Variants in CUL9 observed in about 807,000 individuals in gnomAD.
CUL9 encodes cullin-9.
In CUL9, 79 loss-of-function variants were observed where a neutral mutation model predicts 272.6. The observed-to-expected ratio is 0.29, with a 90% CI of 0.24 to 0.35. The LOEUF is 0.35. Among genes scored for constraint, CUL9 ranks in the 10% least tolerant of loss-of-function variants. The probability of loss-of-function intolerance (pLI) is 1.00; values close to 1 mark genes in which losing one functional copy is unlikely to be tolerated. For missense variants in CUL9, 2,532 were observed against 3,255.6 expected (o/e 0.78, Z 5.41); for synonymous variants, 1,186 against 1,286.5 (o/e 0.92, Z 1.67).
Position 43,221,676 on chromosome 6 carries a change from C to T in CUL9, c.6753-9C>T, listed in dbSNP as rs2150653734. 1 of 1,613,228 alleles carries T rather than the reference C, an allele frequency of 6.2e-7. No homozygotes were observed. The highest frequency in any genetic ancestry group is 8.5e-7 in the Non-Finnish European group (1 of 1,179,672). Reference sequence around the variant, plus strand: ...GCAGGAGTCCCTGACCAGCCAGCTTCCTCCATAGCATGACCTGTGCCAAAT... The same window carrying T: ...GCAGGAGTCCCTGACCAGCCAGCTTTCTCCATAGCATGACCTGTGCCAAAT... On this transcript the variant is annotated splice_polypyrimidine_tract_variant and intron_variant, in intron 34 of 40. Coordinates refer to ENST00000252050, the MANE Select transcript of CUL9 (RefSeq NM_015089.4). This position sits in a 1 kb window ranked among gnomAD's most constrained non-coding sequence, Gnocchi z 4.2.
Position 43,186,335 on chromosome 6 carries a change from A to G in CUL9, c.1131A>G (p.Glu377=). ...SEFSSRSGYG[E]YVQQTLQPGM... ...TCTCCAGCCGTAGTGGCTATGGAGA[A>G]TATGTGCAGCAGACACTGCAGCCAG... The change falls in exon 4 of 41, where the codon GAA becomes GAG. Residue 377 remains glutamate, a synonymous_variant. Coordinates refer to ENST00000252050, the MANE Select transcript of CUL9 (RefSeq NM_015089.4). The G allele has an allele frequency of 6.2e-7, 1 of 1,614,228 alleles. No homozygotes were observed. The highest frequency in any genetic ancestry group is 8.5e-7 in the Non-Finnish European group (1 of 1,180,036).
chr6:43,216,612 G>T, intron 31 of CUL9, 109 bp downstream of exon 31: 1 of 1,016,936 alleles, frequency 9.8e-7, no homozygotes, highest in Non-Finnish European at 1.4e-6. Context: ...CATCACCTGG[G>T]CAATAGTGGA....
Position 43,184,552 on chromosome 6 carries a change from G to C in CUL9, c.242G>C (p.Gly81Ala). Reference sequence around the variant, plus strand: ...TACGCCAACTGCCCTGGGCTGTTAGGTGAGCGGGCACTATCTAAGGGACTT... The same window carrying C: ...TACGCCAACTGCCCTGGGCTGTTAGCTGAGCGGGCACTATCTAAGGGACTT... ...EVYANCPGLL[G>A]ERALSKGLQH... Residue 81 changes from glycine to alanine, a missense_variant, in exon 2 of 41, where the codon GGT becomes GCT. Transcript: ENST00000252050. This position sits in a 1 kb window ranked among gnomAD's most constrained non-coding sequence, Gnocchi z 4.8. 1.2e-6 allele frequency: 2 copies of C among 1,613,100 alleles called. No individual in the cohort carries two copies. Among genetic ancestry groups the C allele is most frequent in the Non-Finnish European group, 1.7e-6 (2 of 1,179,198 alleles).
rs755351701 is a variant in CUL9 at position 43,204,441 on chromosome 6, G to A, written c.4241G>A (p.Arg1414Gln). ...QRETSRNPLS[R>Q]AASFASRVRR... ...GAGACCTCTCGGAACCCCTTGAGTC[G>A]AGCAGCGTCCTTTGCTTCTCGAGTT... The change falls in exon 21 of 41, where the codon CGA becomes CAA. Residue 1414 changes from arginine (R) to glutamine (Q), a missense_variant. Coordinates refer to ENST00000252050, the MANE Select transcript of CUL9 (RefSeq NM_015089.4). The A allele has an allele frequency of 8.7e-6, 14 of 1,614,106 alleles. No homozygotes were observed. In the Admixed American group the frequency reaches 1.5e-4, roughly 17 times the overall value.
Position 43,223,438 on chromosome 6 carries a change from G to A in CUL9, c.7284+41G>A, listed in dbSNP as rs781672811. The A allele has an allele frequency of 3.7e-5, 58 of 1,548,348 alleles. No homozygotes were observed. The South Asian group carries it at 4.2e-4, about 11-fold the overall frequency. On this transcript the variant is annotated intron_variant, in intron 39 of 40. Transcript: ENST00000252050. The surrounding 1 kb of genome is among the most constrained non-coding windows in gnomAD (Gnocchi z 4.1). Reference sequence around the variant, plus strand: ...GACCCCTTCTGCTCCTGCATTCTGCGGGAGTTGAGGTCCTCCTGTCCCAGC... The same window carrying A: ...GACCCCTTCTGCTCCTGCATTCTGCAGGAGTTGAGGTCCTCCTGTCCCAGC...
In CUL9 at chr6:43,221,246, A is replaced by G. The variant is rs746388349; in HGVS notation, c.6677A>G (p.Lys2226Arg). ...YDGMSVEAQSKHLAKLISKRC... is the reference protein window; with the variant it reads ...YDGMSVEAQSRHLAKLISKRC... ...GGCATGAGCGTGGAGGCGCAGAGCA[A>G]GCACCTGGCCAAGCTCATCTCCAAG... The change falls in exon 34 of 41, where the codon AAG becomes AGG. Residue 2226 changes from lysine to arginine, a missense_variant. Lys to Arg is a conservative substitution (Grantham distance 26). Transcript: ENST00000252050. The surrounding 1 kb of genome is among the most constrained non-coding windows in gnomAD (Gnocchi z 4.2). The G allele has an allele frequency of 1.2e-6, 2 of 1,611,776 alleles. No individual in the cohort carries two copies. Among genetic ancestry groups the G allele is most frequent in the East Asian group, 2.2e-5 (1 of 44,862 alleles).
rs755986098 is a variant in CUL9, at chr6:43,199,156, G to A, written c.3051-110G>A. The A allele has an allele frequency of 1.2e-5, 11 of 931,112 alleles. No homozygotes were observed. Among genetic ancestry groups the A allele is most frequent in the Admixed American group, 1.9e-5 (1 of 52,730 alleles). The allele number at this position is 931,112 out of a possible 1,614,324, so 57.7% of individuals were successfully genotyped here. ...TCTCCATTTTGGTCAGGCTGGTCTC[G>A]AACTCCCGACCTCAGGTGATCCGCC... is the stretch of plus-strand genomic sequence containing the variant. On this transcript the variant is annotated intron_variant, in intron 12 of 40. Transcript: ENST00000252050. The surrounding 1 kb of genome is among the most constrained non-coding windows in gnomAD (Gnocchi z 4.4).
intron 26 of CUL9, among the ~76,000 whole-genome samples, chr6:43,210,888 C>G (rs1244111408): frequency 6.6e-6 from 1 of 151,832 alleles, no homozygotes; most frequent in Non-Finnish European, 1.5e-5. Flanking sequence ...GGTTTTTGTG[C>G]TATCTTTTTC....
Position 43,206,323 on chromosome 6 carries a change from G to A in CUL9, c.5025G>A (p.Glu1675=). Residue 1675 remains glutamate, a splice_region_variant and synonymous_variant, in exon 26 of 41, where the codon GAG becomes GAA. Coordinates refer to ENST00000252050, the MANE Select transcript of CUL9 (RefSeq NM_015089.4). This position sits in a 1 kb window ranked among gnomAD's most constrained non-coding sequence, Gnocchi z 4.8. ...CTTGAAATCCTTCTGTCCCTCAGGA[G>A]GAAGAGGAGGAAGAGGAAGCTGAGA... ...EEEKRLEEEE[E]EEEEEEAEKE... The A allele has an allele frequency of 1.2e-6, 2 of 1,601,580 alleles. No homozygotes were observed. The highest frequency in any genetic ancestry group is 8.6e-7 in the Non-Finnish European group (1 of 1,169,182).
Position 43,187,331 on chromosome 6 carries a change from G to A in CUL9, c.1473G>A (p.Val491=), listed in dbSNP as rs1238686289. 7 of 1,614,074 alleles carry A rather than the reference G, an allele frequency of 4.3e-6. No homozygotes were observed. Among genetic ancestry groups the A allele is most frequent in the Non-Finnish European group, 5.9e-6 (7 of 1,180,014 alleles). ...CCGAACCTCAGAAGAATGAGAGAGT[G>A]GGATATCTGACCCAGGCTGAATGGT... ...LQPEPQKNER[V]GYLTQAEWWE... Residue 491 remains valine, a synonymous_variant, in exon 6 of 41, where the codon GTG becomes GTA. Transcript: ENST00000252050.
chr6:43,189,259 G>A (rs1248694460), intron 8 of CUL9, among the ~76,000 whole-genome samples: 4 of 151,518 alleles, frequency 2.6e-5, no homozygotes, highest in South Asian at 2.1e-4. Flanking sequence ...GCGCGATCTC[G>A]GCTCACTGCA....
intron 17 of CUL9, 47 bp downstream of exon 17, chr6:43,202,868 T>C: frequency 6.4e-7 from 1 of 1,558,714 alleles, no homozygotes; most frequent in Non-Finnish European, 8.8e-7. Context: ...ATCCTTCTTT[T>C]TGTCCCAGTG....
intron 24 of CUL9, 108 bp downstream of exon 24, chr6:43,205,531 T>G: frequency 7.6e-7 from 1 of 1,315,978 alleles, no homozygotes; most frequent in South Asian, 1.4e-5. Context: ...GAGGAGAGAT[T>G]AAGATGTGGA....
chr6:43,200,138 C>T lies in CUL9; in HGVS notation c.3366C>T (p.Ile1122=), dbSNP rs1774388325. Residue 1122 remains isoleucine (I), a synonymous_variant, in exon 14 of 41, where the codon ATC becomes ATT. Transcript: ENST00000252050. The surrounding 1 kb of genome is among the most constrained non-coding windows in gnomAD (Gnocchi z 4.0). ...TCTATAGCAACCTCACCTCCAGCATCCTGGCCGGCTGCATTCAGGTGAGGA... is the reference window on the plus strand; with the variant it reads ...TCTATAGCAACCTCACCTCCAGCATTCTGGCCGGCTGCATTCAGGTGAGGA... ...AQLYSNLTSS[I]LAGCIQMVLG... is the part of the protein sequence containing the mutation. The T allele has an allele frequency of 6.2e-7, 1 of 1,614,004 alleles. No individual in the cohort carries two copies. The highest frequency in any genetic ancestry group is 8.5e-7 in the Non-Finnish European group (1 of 1,179,994).
At position 43,205,304 on chromosome 6, in the gene CUL9, G is replaced by A. The variant is rs749986011; in HGVS notation, c.4674G>A (p.Gln1558=). 40 of 1,614,096 alleles carry A rather than the reference G, an allele frequency of 2.5e-5. No individual in the cohort carries two copies. The South Asian group carries it at 4.1e-4, about 16-fold the overall frequency. Residue 1558 remains glutamine, a synonymous_variant, in exon 24 of 41, where the codon CAG becomes CAA. Transcript: ENST00000252050. ...CCAGGTACATTGACCAACAGATCCA[G>A]GGTGGCCTGATTGGTGGAGCCCCTG... is the stretch of plus-strand genomic sequence containing the variant. The part of the protein sequence containing the change: ...QFARYIDQQI[Q]GGLIGGAPGV...
At position 43,199,299 on chromosome 6, in the gene CUL9, A is replaced by C. The variant is rs896727575; in HGVS notation, c.3084A>C (p.Ala1028=). ...VITRLLDFPE[A]MVLPWHEVLE... ...CCCGACTGCTGGATTTCCCTGAGGC[A>C]ATGGTCCTCCCCTGGCACGAGGTCT... Residue 1028 remains alanine, a synonymous_variant, in exon 13 of 41, where the codon GCA becomes GCC. Transcript: ENST00000252050. The surrounding 1 kb of genome is among the most constrained non-coding windows in gnomAD (Gnocchi z 4.4). 1.2e-6 allele frequency: 2 copies of C among 1,613,418 alleles called. No homozygotes were observed. The highest frequency in any genetic ancestry group is 2.7e-5 in the African/African-American group (2 of 74,864).
chr6:43,223,995 G>T lies in CUL9; in HGVS notation c.7285-100G>T. 8.9e-7 allele frequency: 1 copy of T among 1,122,260 alleles called. No homozygotes were observed. Among genetic ancestry groups the T allele is most frequent in the Non-Finnish European group, 1.4e-6 (1 of 735,056 alleles). The allele number at this position is 1,122,260 out of a possible 1,614,324, so 69.5% of individuals were successfully genotyped here. On this transcript the variant is annotated intron_variant, in intron 39 of 40. Transcript: ENST00000252050. The surrounding 1 kb of genome is among the most constrained non-coding windows in gnomAD (Gnocchi z 4.1). The stretch of plus-strand genomic sequence containing the variant: ...CTGTGCTGGGAGGGGAGCAGTCCTA[G>T]CAGGAGCTTGGCCCTCCCAGAGCAT...
chr6:43,205,493 T>C (rs556645766), intron 24 of CUL9, 70 bp downstream of exon 24: 43 of 1,536,932 alleles, frequency 2.8e-5, no homozygotes, highest in Non-Finnish European at 3.6e-5. Flanking sequence ...TTGAGTCTTA[T>C]AGGGGAGATG....
chr6:43,188,305 C>A (rs1203066659), intron 7 of CUL9, 187 bp downstream of exon 7: 3 of 799,278 alleles, frequency 3.8e-6, no homozygotes, highest in Non-Finnish European at 5.8e-6. Context: ...GCGCTCCCTT[C>A]CTTCAGTATC....
Sources: allele counts gnomAD v4.1 joint callset (sites outside exome capture counted in the v4.1 genomes callset), GRCh38; gene constraint gnomAD v4.1.1; non-coding constraint Gnocchi (gnomAD v3.1); transcripts MANE v1.5; gene names NCBI Gene and HGNC (gene_info 2026-07-23, HGNC 2026-07-21).